The following OR4D10 variants were observed in gnomAD, a reference collection of about 807,000 sequenced individuals.
OR4D10 encodes the protein olfactory receptor family 4 subfamily D member 10.
For synonymous variants in OR4D10, 188 were observed against 153.2 expected (o/e 1.23, Z -1.68); for missense variants, 395 against 378.0 (o/e 1.04, Z -0.37).
rs756343049 is a variant in OR4D10 at position 59,477,834 on chromosome 11, C to A, written c.405C>A (p.Ile135=). The change falls in exon 3 of 3, where the codon ATC becomes ATA. Residue 135 remains isoleucine, a synonymous_variant. Transcript: ENST00000530162. ...AISKPLHYAT[I]MSRDHCIGLT... ...CCAAGCCCCTGCACTATGCGACTAT[C>A]ATGAGTAGAGACCATTGCATTGGGC... The A allele has an allele frequency of 3.1e-5, 50 of 1,614,096 alleles. No individual in the cohort carries two copies. The South Asian group carries it at 5.2e-4, about 17-fold the overall frequency.
rs1858935027 is a variant in OR4D10, at chr11:59,478,355, A to G, written c.926A>G (p.Asp309Gly). 4 of 1,565,784 alleles carry G rather than the reference A, an allele frequency of 2.6e-6. 1 individual carries two copies. The South Asian group carries it at 4.8e-5, about 19-fold the overall frequency. ...RRLKRRLVPS[D>G]RK is the part of the protein sequence containing the mutation. The stretch of plus-strand genomic sequence containing the variant: ...CTGAAGAGAAGACTTGTGCCTTCTG[A>G]TAGAAAATAGAAAAAAAAATCCTCA... The change falls in exon 3 of 3, where the codon GAT (aspartate) becomes GGT (glycine). Residue 309 changes from aspartate (D) to glycine (G), a missense_variant. Asp to Gly is a moderately conservative substitution (Grantham distance 94). Transcript: ENST00000530162.
In OR4D10 at chr11:59,477,912, C is replaced by T. The variant is rs572213379; in HGVS notation, c.483C>T (p.Ser161=). The part of the protein sequence containing the change: ...GGFVHSIVQI[S]LLLPLPFCGP... ...TTGTCCACTCCATCGTGCAGATTTC[C>T]CTGTTGCTCCCACTCCCTTTCTGCG... Residue 161 remains serine (S), a synonymous_variant, in exon 3 of 3, where the codon TCC becomes TCT. Transcript: ENST00000530162. 107 of 1,614,098 alleles carry T rather than the reference C, an allele frequency of 6.6e-5. No individual in the cohort carries two copies. In the South Asian group the frequency reaches 1.1e-3, roughly 16 times the overall value.
At chr11:59,474,340 CTT>C (rs1356216056) in intron 2 of OR4D10, among the ~76,000 whole-genome samples, 1 of 152,194 alleles carries the variant, frequency 6.6e-6, no homozygotes, top group Non-Finnish European at 1.5e-5. Flanking sequence ...CGTGTATCAT[CTT>C]CACTTATTTG....
chr11:59,478,145 C>T lies in OR4D10; in HGVS notation c.716C>T (p.Thr239Ile), dbSNP rs751667646. 1.9e-6 allele frequency: 3 copies of T among 1,614,158 alleles called. No homozygotes were observed. The highest frequency in any genetic ancestry group is 2.7e-5 in the African/African-American group (2 of 75,034). Residue 239 changes from threonine (T) to isoleucine (I), a missense_variant, in exon 3 of 3, where the codon ACC (threonine) becomes ATC (isoleucine). Thr to Ile is a moderately conservative substitution (Grantham distance 89). Transcript: ENST00000530162. ...GAGGGCAGGAGGAAAGCCATCTCCACCTGCACCTCCCACATCACTGTGGTG... is the reference window on the plus strand; with the variant it reads ...GAGGGCAGGAGGAAAGCCATCTCCATCTGCACCTCCCACATCACTGTGGTG... Reference protein sequence around the residue: ...AGEGRRKAISTCTSHITVVTL... With the variant: ...AGEGRRKAISICTSHITVVTL...
In OR4D10 at chr11:59,478,218, T is replaced by C; in HGVS notation, c.789T>C (p.Thr263=). The C allele has an allele frequency of 6.2e-7, 1 of 1,614,054 alleles. No individual in the cohort carries two copies. The highest frequency in any genetic ancestry group is 8.5e-7 in the Non-Finnish European group (1 of 1,179,994). ...PCIYVYARPF[T]ALPMDKAISV... ...TCTATGTCTATGCCCGGCCCTTCAC[T>C]GCCCTCCCCATGGATAAGGCCATCT... The change falls in exon 3 of 3, where the codon ACT becomes ACC. Residue 263 remains threonine (T), a synonymous_variant. Transcript: ENST00000530162.
rs375710093 is a variant in OR4D10, at chr11:59,477,316, C to T, written c.-114C>T. The T allele has an allele frequency of 2.6e-5, 18 of 693,038 alleles. No homozygotes were observed. Among genetic ancestry groups the T allele is most frequent in the African/African-American group, 1.6e-4 (9 of 55,750 alleles). 42.9% of individuals were successfully genotyped at this position (693,038 alleles called of 1,614,324 possible). On this transcript the variant is annotated 5_prime_UTR_variant, in exon 3 of 3. Coordinates refer to ENST00000530162, the MANE Select transcript of OR4D10 (RefSeq NM_001004705.2). The stretch of plus-strand genomic sequence containing the variant: ...TGCAACAAACTGCAAAAACTACAAC[C>T]GCATGGGAAGTTTCTGCACTGCATT...
intron 2 of OR4D10, among the ~76,000 whole-genome samples, chr11:59,476,152 C>A (rs1220229363): frequency 6.6e-6 from 1 of 152,126 alleles, no homozygotes; most frequent in African/African-American, 2.4e-5. Flanking sequence ...TATAGGAATA[C>A]ATAAGAGAAT....
rs756877999 is a variant in OR4D10 at position 59,477,817 on chromosome 11, C to G, written c.388C>G (p.Leu130Val). 4.3e-6 allele frequency: 7 copies of G among 1,614,118 alleles called. No individual in the cohort carries two copies. In the South Asian group the frequency reaches 5.5e-5, roughly 13 times the overall value. Residue 130 changes from leucine to valine, a missense_variant, in exon 3 of 3, where the codon CTG (leucine) becomes GTG (valine). Leu to Val is a conservative substitution (Grantham distance 32). Coordinates refer to ENST00000530162, the MANE Select transcript of OR4D10 (RefSeq NM_001004705.2). Reference protein sequence around the residue: ...LDRYVAISKPLHYATIMSRDH... With the variant: ...LDRYVAISKPVHYATIMSRDH... ...TCGATATGTGGCCATCTCCAAGCCC[C>G]TGCACTATGCGACTATCATGAGTAG... is the stretch of plus-strand genomic sequence containing the variant.
rs1352721485 is a variant in OR4D10 at position 59,477,381 on chromosome 11, C to T, written c.-49C>T. The T allele has an allele frequency of 7.4e-7, 1 of 1,352,184 alleles. No homozygotes were observed. Among genetic ancestry groups the T allele is most frequent in the East Asian group, 2.3e-5 (1 of 43,124 alleles). 83.8% of individuals were successfully genotyped at this position (1,352,184 alleles called of 1,614,324 possible). ...AGACAACAAAATAAATATCCCAGTG[C>T]TTTCACATGACATGGTTTAAAACCA... On this transcript the variant is annotated 5_prime_UTR_variant, in exon 3 of 3. Transcript: ENST00000530162.
chr11:59,479,198 A>G lies in OR4D10; in HGVS notation c.*833A>G, dbSNP rs1349796272. ...GGCAGTGACTTCCCCAGGAGCAGGGATTATGTTTTATTTACTGTCACAGCA... is the reference window on the plus strand; with the variant it reads ...GGCAGTGACTTCCCCAGGAGCAGGGGTTATGTTTTATTTACTGTCACAGCA... On this transcript the variant is annotated 3_prime_UTR_variant, in exon 3 of 3. Coordinates refer to ENST00000530162, the MANE Select transcript of OR4D10 (RefSeq NM_001004705.2). 1 of 152,096 alleles carries G rather than the reference A, an allele frequency of 6.6e-6. No individual in the cohort carries two copies. The highest frequency in any genetic ancestry group is 2.4e-5 in the African/African-American group (1 of 41,416). The allele number at this position is 152,096 out of a possible 1,614,324, so 9.4% of individuals were successfully genotyped here.
intron 2 of OR4D10, among the ~76,000 whole-genome samples, chr11:59,474,722 C>G (rs922580721): frequency 4.6e-5 from 7 of 152,062 alleles, no homozygotes; most frequent in African/African-American, 1.7e-4. Flanking sequence ...ACACCCCACT[C>G]CATGTAATAC....
In OR4D10 at chr11:59,477,777, G is replaced by A. The variant is rs763075726; in HGVS notation, c.348G>A (p.Ser116=). Residue 116 remains serine (S), a synonymous_variant, in exon 3 of 3, where the codon TCG becomes TCA. Transcript: ENST00000530162. ...LIGGVDVFSL[S]VMALDRYVAI... ...GAGGGGTGGATGTATTTTCTCTTTCGGTGATGGCATTGGATCGATATGTGG... is the reference window on the plus strand; with the variant it reads ...GAGGGGTGGATGTATTTTCTCTTTCAGTGATGGCATTGGATCGATATGTGG... 3.7e-5 allele frequency: 59 copies of A among 1,613,820 alleles called. No individual in the cohort carries two copies. The highest frequency in any genetic ancestry group is 6.7e-5 in the East Asian group (3 of 44,882).
Position 59,478,402 on chromosome 11 carries a change from C to T in OR4D10, c.*37C>T, listed in dbSNP as rs754470519. The T allele has an allele frequency of 3.7e-6, 5 of 1,357,074 alleles. No individual in the cohort carries two copies. In the Admixed American group the frequency reaches 1.0e-4, roughly 28 times the overall value. The allele number at this position is 1,357,074 out of a possible 1,614,324, so 84.1% of individuals were successfully genotyped here. On this transcript the variant is annotated 3_prime_UTR_variant, in exon 3 of 3. Coordinates refer to ENST00000530162, the MANE Select transcript of OR4D10 (RefSeq NM_001004705.2). ...CTCAGCTCTTCATCACCAAAGATAT[C>T]TTATATTTATTATTTTTCCCATGAA...
Position 59,477,894 on chromosome 11 carries a change from C to T in OR4D10, c.465C>T (p.His155=). ...TVAAWLGGFV[H]SIVQISLLLP... is the part of the protein sequence containing the mutation. ...CTGCCTGGTTGGGGGGCTTTGTCCA[C>T]TCCATCGTGCAGATTTCCCTGTTGC... is the stretch of plus-strand genomic sequence containing the variant. Residue 155 remains histidine, a synonymous_variant, in exon 3 of 3, where the codon CAC becomes CAT. Coordinates refer to ENST00000530162, the MANE Select transcript of OR4D10 (RefSeq NM_001004705.2). 1 of 1,614,140 alleles carries T rather than the reference C, an allele frequency of 6.2e-7. No homozygotes were observed. Among genetic ancestry groups the T allele is most frequent in the African/African-American group, 1.3e-5 (1 of 75,026 alleles).
chr11:59,474,769 C>T (rs1314605631), intron 2 of OR4D10, among the ~76,000 whole-genome samples: 5 of 152,010 alleles, frequency 3.3e-5, no homozygotes, highest in Non-Finnish European at 7.4e-5. Flanking sequence ...GTAAAGAAGT[C>T]CAAGGGACCG....
rs917116218 is a variant in OR4D10, at chr11:59,478,457, A to C, written c.*92A>C. The C allele has an allele frequency of 4.9e-4, 425 of 859,164 alleles. 1 individual carries two copies. Among genetic ancestry groups the C allele is most frequent in the Non-Finnish European group, 6.3e-4 (368 of 581,574 alleles). The allele number at this position is 859,164 out of a possible 1,614,324, so 53.2% of individuals were successfully genotyped here. On this transcript the variant is annotated 3_prime_UTR_variant, in exon 3 of 3. Coordinates refer to ENST00000530162, the MANE Select transcript of OR4D10 (RefSeq NM_001004705.2). ...TATTCATATATTCAAATATATTGTC[A>C]AACCAACTACACTTAGTAATAATTA...
At chr11:59,475,323 A>G (rs1005486142) in intron 2 of OR4D10, among the ~76,000 whole-genome samples, 5 of 151,978 alleles carry the variant, frequency 3.3e-5, no homozygotes, top group South Asian at 2.1e-4. Flanking sequence ...GCATTTTCCA[A>G]TGTTCTCTGT....
rs768035406 is a variant in OR4D10 at position 59,477,939 on chromosome 11, A to G, written c.510A>G (p.Gly170=). Residue 170 remains glycine (G), a synonymous_variant, in exon 3 of 3, where the codon GGA becomes GGG. Transcript: ENST00000530162. ...ISLLLPLPFC[G]PNVLDTFYCD... ...TGTTGCTCCCACTCCCTTTCTGCGG[A>G]CCCAATGTTCTTGACACTTTCTACT... is the stretch of plus-strand genomic sequence containing the variant. 6.2e-7 allele frequency: 1 copy of G among 1,613,834 alleles called. No homozygotes were observed. Among genetic ancestry groups the G allele is most frequent in the Non-Finnish European group, 8.5e-7 (1 of 1,179,990 alleles).
rs1309767046 is a variant in OR4D10, at chr11:59,477,997, A to G, written c.568A>G (p.Thr190Ala). 2.5e-6 allele frequency: 4 copies of G among 1,614,044 alleles called. No homozygotes were observed. The East Asian group carries it at 6.7e-5, about 27-fold the overall frequency. ...DVHRVLKLAHTDIFILELLMI... is the reference protein window; with the variant it reads ...DVHRVLKLAHADIFILELLMI... ...CCACCGGGTCCTCAAACTGGCCCAT[A>G]CAGACATTTTCATACTTGAACTACT... Residue 190 changes from threonine (T) to alanine (A), a missense_variant, in exon 3 of 3, where the codon ACA becomes GCA. Transcript: ENST00000530162.
Sources: gnomAD v4.1 joint callset for allele counts (sites outside exome capture counted in the v4.1 genomes callset) on GRCh38, gnomAD v4.1.1 for gene constraint, MANE v1.5 for transcripts, NCBI Gene and HGNC (gene_info 2026-07-23, HGNC 2026-07-21) for gene names.